Variants in PDIA5 observed in about 807,000 individuals in gnomAD.
PDIA5 encodes protein disulfide isomerase family A member 5.
Under a neutral mutation model 77.6 loss-of-function variants are expected in PDIA5, and 58 were observed. That is an observed-to-expected ratio of 0.75 (90% confidence interval 0.61 to 0.93). The LOEUF is 0.93. Ranked by LOEUF, PDIA5 falls within the 40% of genes least tolerant of loss-of-function variation. PDIA5 has a pLI of 0.00. For synonymous variants in PDIA5, 250 were observed against 252.1 expected, an observed-to-expected ratio of 0.99 and a Z score of 0.08; for missense variants, 630 against 647.7, an observed-to-expected ratio of 0.97 and a Z score of 0.30.
chr3:123,126,175 G>C (rs1935242098), intron 10 of PDIA5, among the ~76,000 whole-genome samples: 1 of 152,094 alleles, frequency 6.6e-6, no homozygotes, highest in South Asian at 2.1e-4. Flanking sequence ...TTCTGAAACA[G>C]GCTATTATCT....
At chr3:123,156,777 G>T (rs539523952) in intron 15 of PDIA5, among the ~76,000 whole-genome samples, 15 of 152,120 alleles carry the variant, frequency 9.9e-5, no homozygotes, top group African/African-American at 3.6e-4. Flanking sequence ...GTGTCAGGGA[G>T]CGTGGTCCAG....
intron 11 of PDIA5, among the ~76,000 whole-genome samples, chr3:123,131,539 G>A (rs1935372185): frequency 1.3e-5 from 2 of 150,354 alleles, no homozygotes; most frequent in Admixed American, 6.7e-5. Context: ...AGGAGAGCCT[G>A]TGCTTGCCCA....
intron 6 of PDIA5, among the ~76,000 whole-genome samples, chr3:123,109,123 C>T (rs957182804): frequency 2.0e-5 from 3 of 152,222 alleles, no homozygotes; most frequent in African/African-American, 4.8e-5. Flanking sequence ...ATATTTCTTT[C>T]ACACCTGTAG....
intron 7 of PDIA5, 119 bp downstream of exon 7, chr3:123,111,123 T>C (rs1331884430): frequency 1.4e-6 from 1 of 737,664 alleles, no homozygotes. Flanking sequence ...CTTAGAACGC[T>C]GAATCTCATC....
chr3:123,150,159 A>T, intron 13 of PDIA5, 75 bp from the exon 14 acceptor site: 1 of 1,064,838 alleles, frequency 9.4e-7, no homozygotes, highest in Non-Finnish European at 1.4e-6. Flanking sequence ...TGGTTGGGAC[A>T]TTGAGGGTGG....
In PDIA5 at chr3:123,110,973, G is replaced by T. The variant is rs777242060; in HGVS notation, c.510G>T (p.Glu170Asp). ...KDFRRLLKKE[E>D]KPLLIMFYAP... is the part of the protein sequence containing the mutation. ...TCAGACGGCTCCTGAAGAAGGAAGA[G>T]AAGCCGCTCCTGATCATGTTTTATG... Residue 170 changes from glutamate (E) to aspartate (D), a missense_variant, in exon 7 of 17, where the codon GAG becomes GAT. Transcript: ENST00000316218. The T allele has an allele frequency of 3.2e-5, 52 of 1,613,690 alleles. No homozygotes were observed. The highest frequency in any genetic ancestry group is 4.4e-5 in the Non-Finnish European group (52 of 1,179,860).
chr3:123,117,330 C>G (rs1325550139), intron 8 of PDIA5, among the ~76,000 whole-genome samples: 2 of 139,256 alleles, frequency 1.4e-5, no homozygotes, highest in African/African-American at 5.3e-5. Context: ...CCACCCCACT[C>G]CTGACCTTGA....
At chr3:123,075,661 T>C (rs1337295805) in intron 1 of PDIA5, among the ~76,000 whole-genome samples, 1 of 151,272 alleles carries the variant, frequency 6.6e-6, no homozygotes, top group African/African-American at 2.4e-5. Flanking sequence ...TGGCTGTGAG[T>C]GGAGAGGGGA....
intron 1 of PDIA5, among the ~76,000 whole-genome samples, chr3:123,081,822 G>A (rs1232284370): frequency 6.6e-6 from 1 of 152,212 alleles, no homozygotes; most frequent in Non-Finnish European, 1.5e-5. Flanking sequence ...GAGATGAGGA[G>A]CTTTTTAAAG....
chr3:123,135,739 TAAC>T (rs1342682381), intron 11 of PDIA5, among the ~76,000 whole-genome samples: 1 of 120,344 alleles, frequency 8.3e-6, no homozygotes, highest in Non-Finnish European at 1.7e-5. Context: ...TATCCAGAGG[TAAC>T]AACTTTTTTT....
chr3:123,134,046 TAG>T (rs1304548417), intron 11 of PDIA5, among the ~76,000 whole-genome samples: 1 of 151,818 alleles, frequency 6.6e-6, no homozygotes, highest in Admixed American at 6.6e-5. Flanking sequence ...TTTTTTGACA[TAG>T]AGTTTTGCTC....
In PDIA5 at chr3:123,067,112, G is replaced by C; in HGVS notation, c.-53G>C. On this transcript the variant is annotated 5_prime_UTR_variant, in exon 1 of 17. Coordinates refer to ENST00000316218, the MANE Select transcript of PDIA5 (RefSeq NM_006810.4). Reference sequence around the variant, plus strand: ...CGGTGGAGCTAGCAGGCGGGCGGGCGGGAGCGGGCGCCGGAGTGGAGAAAG... The same window carrying C: ...CGGTGGAGCTAGCAGGCGGGCGGGCCGGAGCGGGCGCCGGAGTGGAGAAAG... The C allele has an allele frequency of 8.1e-7, 1 of 1,232,206 alleles. No homozygotes were observed. Among genetic ancestry groups the C allele is most frequent in the Non-Finnish European group, 1.0e-6 (1 of 983,708 alleles). 76.3% of individuals were successfully genotyped at this position (1,232,206 alleles called of 1,614,324 possible). A position where few individuals can be genotyped will look rare whatever the true frequency, so the allele number is the denominator to read the frequency against.
In PDIA5 at chr3:123,149,821, C is replaced by G. The variant is rs116280319; in HGVS notation, c.1143-413C>G. Among the ~76,000 whole-genome samples, 473 of 152,236 alleles carry G rather than the reference C, an allele frequency of 3.1e-3. 2 individuals are homozygous for G. The highest frequency in any genetic ancestry group is 0.011 in the African/African-American group (455 of 41,522). ...GGCCCGCCTCACTCCTTGGCCCATG[C>G]TCTCCACCAGAACAGAAGCTGAGAA... On this transcript the variant is annotated intron_variant, in intron 13 of 16. Transcript: ENST00000316218.
intron 1 of PDIA5, among the ~76,000 whole-genome samples, chr3:123,071,794 C>T (rs190878713): frequency 2.4e-4 from 36 of 152,292 alleles, no homozygotes; most frequent in African/African-American, 7.2e-4. Flanking sequence ...AGGGAGCCCC[C>T]TGTCCTGGCT....
intron 13 of PDIA5, among the ~76,000 whole-genome samples, chr3:123,148,973 G>A (rs115879000): frequency 0.038 from 5,758 of 152,294 alleles, 133 homozygotes; most frequent in African/African-American, 0.054. Flanking sequence ...ACTGAGATGC[G>A]CCTGCCAGCA....
intron 8 of PDIA5, among the ~76,000 whole-genome samples, chr3:123,119,273 GCTT>G (rs1048267772): frequency 6.6e-6 from 1 of 151,956 alleles, no homozygotes; most frequent in African/African-American, 2.4e-5. Flanking sequence ...ATGAATTCCA[GCTT>G]CTTCTGCCTG....
chr3:123,073,204 G>A (rs572888352), intron 1 of PDIA5, among the ~76,000 whole-genome samples: 3 of 152,238 alleles, frequency 2.0e-5, no homozygotes, highest in Non-Finnish European at 4.4e-5. Flanking sequence ...TTGGTGAGGT[G>A]AGTAGGCTAG....
chr3:123,077,557 C>A (rs199739897), intron 1 of PDIA5, among the ~76,000 whole-genome samples: 1 of 128,898 alleles, frequency 7.8e-6, no homozygotes, highest in Non-Finnish European at 1.8e-5. Context: ...CATACACACA[C>A]ACACACACAC....
intron 8 of PDIA5, 46 bp from the exon 9 acceptor site, chr3:123,124,020 T>C: frequency 8.2e-7 from 1 of 1,215,342 alleles, no homozygotes; most frequent in Non-Finnish European, 1.2e-6. Context: ...CTAGAGGGTG[T>C]CTGTGGGGCA....
Sources: allele counts gnomAD v4.1 joint callset (sites outside exome capture counted in the v4.1 genomes callset), GRCh38; gene constraint gnomAD v4.1.1; transcripts MANE v1.5; gene names NCBI Gene and HGNC (gene_info 2026-07-23, HGNC 2026-07-21).